ASB15: variants seen among roughly 807,000 people sequenced by gnomAD.
The protein encoded by ASB15 is ankyrin repeat and SOCS box containing 15.
A neutral mutation model predicts 58.0 loss-of-function variants in ASB15; 54 were observed. That is an observed-to-expected ratio of 0.93 (90% confidence interval 0.75 to 1.17). The LOEUF is 1.17. Among genes scored for constraint, ASB15 ranks in the 50% most tolerant of loss-of-function variants. ASB15 has a pLI of 0.00. For synonymous variants in ASB15, 249 were observed against 262.4 expected (o/e 0.95, Z 0.50); for missense variants, 680 against 707.4 (o/e 0.96, Z 0.44).
intron 1 of ASB15, among the ~76,000 whole-genome samples, chr7:123,569,946 T>A (rs1283304298): frequency 6.6e-6 from 1 of 152,124 alleles, no homozygotes; most frequent in African/African-American, 2.4e-5. Flanking sequence ...GTTATTATTA[T>A]GTTTTTGACT....
At chr7:123,618,769 A>G (rs1801002867) in intron 7 of ASB15, among the ~76,000 whole-genome samples, 1 of 152,216 alleles carries the variant, frequency 6.6e-6, no homozygotes, top group African/African-American at 2.4e-5. Context: ...AAACAACCTT[A>G]ATATTAAGAA....
At chr7:123,620,174 C>T (rs7812023) in intron 7 of ASB15, 119,381 of 151,724 alleles carry the variant, frequency 0.79, 47,142 homozygotes, top group South Asian at 0.88. Context: ...ACAGTGCACA[C>T]GGCCCTTCCA....
At chr7:123,591,719 T>A (rs1022554835) in intron 1 of ASB15, among the ~76,000 whole-genome samples, 1 of 152,214 alleles carries the variant, frequency 6.6e-6, no homozygotes, top group Admixed American at 6.5e-5. Context: ...TACTGAGGAT[T>A]TTCACATCGA....
chr7:123,597,398 G>T (rs1393445292), upstream of ASB15, among the ~76,000 whole-genome samples: 1 of 152,146 alleles, frequency 6.6e-6, no homozygotes, highest in Non-Finnish European at 1.5e-5. Flanking sequence ...TTCATTATTA[G>T]TATTGTTGTT....
chr7:123,611,866 G>T (rs1800483679), intron 3 of ASB15, among the ~76,000 whole-genome samples: 1 of 152,098 alleles, frequency 6.6e-6, no homozygotes, highest in South Asian at 2.1e-4. Context: ...ACCTGTGCTA[G>T]ATTGGCGTTG....
chr7:123,617,427 A>G (rs1184866828), intron 6 of ASB15, 152 bp from the exon 7 acceptor site: 2 of 690,358 alleles, frequency 2.9e-6, no homozygotes, highest in African/African-American at 3.6e-5. Flanking sequence ...CTTTATCCTC[A>G]CCGTCATTTG....
intron 1 of ASB15, among the ~76,000 whole-genome samples, chr7:123,593,471 G>A (rs1799603575): frequency 6.6e-6 from 1 of 152,118 alleles, no homozygotes; most frequent in African/African-American, 2.4e-5. Flanking sequence ...GGCCTGGTGT[G>A]ACAAAATCTC....
In ASB15 at chr7:123,629,062, T is replaced by A; in HGVS notation, c.1068T>A (p.Phe356Leu). The change falls in exon 10 of 12, where the codon TTT becomes TTA. Residue 356 changes from phenylalanine to leucine, a missense_variant. Coordinates refer to ENST00000451215, the MANE Select transcript of ASB15 (RefSeq NM_001290258.2). ...ATGAGAGGAAGACTGCGCTGTATTT[T>A]GGCGTTTCTAATAATGACGTTCATT... Reference protein sequence around the residue: ...YDDERKTALYFGVSNNDVHCT... With the variant: ...YDDERKTALYLGVSNNDVHCT... 6.2e-7 allele frequency: 1 copy of A among 1,613,816 alleles called. No homozygotes were observed. The highest frequency in any genetic ancestry group is 8.5e-7 in the Non-Finnish European group (1 of 1,179,806).
At chr7:123,599,727 A>G (rs952914703), upstream of ASB15, among the ~76,000 whole-genome samples, 3 of 152,240 alleles carry the variant, frequency 2.0e-5, no homozygotes, top group Admixed American at 1.3e-4. Context: ...ATCAGTTGCT[A>G]TAATTATCAT....
chr7:123,573,166 AAT>A (rs1371999771), intron 1 of ASB15, among the ~76,000 whole-genome samples: 1 of 152,058 alleles, frequency 6.6e-6, no homozygotes, highest in Non-Finnish European at 1.5e-5. Context: ...TTTATGTAAA[AAT>A]AGAGATTTTT....
chr7:123,609,396 A>G (rs1800319539), intron 3 of ASB15, among the ~76,000 whole-genome samples: 1 of 152,158 alleles, frequency 6.6e-6, no homozygotes, highest in African/African-American at 2.4e-5. Flanking sequence ...ACACTGGAAG[A>G]TGGAACAATA....
intron 1 of ASB15, among the ~76,000 whole-genome samples, chr7:123,585,835 C>T (rs1481656483): frequency 6.6e-6 from 1 of 151,760 alleles, no homozygotes; most frequent in Non-Finnish European, 1.5e-5. Context: ...CAGTATTTGT[C>T]TTTCTGTTAC....
intron 11 of ASB15, among the ~76,000 whole-genome samples, chr7:123,636,291 AAAT>A (rs1056946656): frequency 3.3e-5 from 5 of 152,182 alleles, no homozygotes; most frequent in Admixed American, 3.3e-4. Flanking sequence ...TCAGATATTT[AAAT>A]AATGTTAGTA....
At chr7:123,577,967 C>G (rs772846028) in intron 1 of ASB15, among the ~76,000 whole-genome samples, 4 of 151,422 alleles carry the variant, frequency 2.6e-5, no homozygotes, top group Non-Finnish European at 5.9e-5. Context: ...TAGGTATACA[C>G]GTGCCATGGT....
intron 1 of ASB15, 128 bp downstream of exon 1, chr7:123,602,042 C>T (rs929358153): frequency 6.6e-6 from 1 of 152,156 alleles, no homozygotes; most frequent in Non-Finnish European, 1.5e-5. Flanking sequence ...TCCACTTGAT[C>T]ACCTACGGGC....
In ASB15 at chr7:123,588,012, T is replaced by C. The variant is rs532646947; in HGVS notation, c.-442-16020T>C. On this transcript the variant is annotated intron_variant, in intron 1 of 13. Coordinates refer to the ASB15 transcript ENST00000451558. ...TGTAATTTTCTTTCTTATGGTGTCC[T>C]TGTCTGGCTTTGGTATCAGGATAAT... Among the ~76,000 whole-genome samples the C allele has an allele frequency of 2.0e-5, 3 of 151,882 alleles. No homozygotes were observed. In the East Asian group the frequency reaches 5.8e-4, roughly 29 times the overall value.
intron 1 of ASB15, among the ~76,000 whole-genome samples, chr7:123,590,932 T>C (rs7800025): frequency 0.73 from 111,222 of 151,980 alleles, 40,846 homozygotes; most frequent in African/African-American, 0.8. Flanking sequence ...TATCGATGAG[T>C]ATGGAATGTT....
intron 2 of ASB15, among the ~76,000 whole-genome samples, chr7:123,606,555 A>G (rs1055682624): frequency 6.6e-6 from 1 of 152,196 alleles, no homozygotes; most frequent in African/African-American, 2.4e-5. Flanking sequence ...CTACAGTTAC[A>G]TTGTTGTACA....
chr7:123,571,015 G>A (rs1798895163), intron 1 of ASB15, among the ~76,000 whole-genome samples: 1 of 152,130 alleles, frequency 6.6e-6, no homozygotes, highest in South Asian at 2.1e-4. Context: ...ATCATTTCCT[G>A]ACAGTGGTTC....
Sources: allele counts gnomAD v4.1 joint callset (sites outside exome capture counted in the v4.1 genomes callset), GRCh38; gene constraint gnomAD v4.1.1; transcripts MANE v1.5; gene names NCBI Gene and HGNC (gene_info 2026-07-23, HGNC 2026-07-21).